The following FBLN1 variants were observed in gnomAD, a reference collection of about 807,000 sequenced individuals.
FBLN1 encodes fibulin-1.
A neutral mutation model predicts 89.7 loss-of-function variants in FBLN1; 34 were observed. That is an observed-to-expected ratio of 0.38 (90% confidence interval 0.29 to 0.50). The LOEUF is 0.50. FBLN1 is among the 20% of genes least tolerant of loss of function. The pLI is 0.92. For synonymous variants in FBLN1, 393 were observed against 391.3 expected, an observed-to-expected ratio of 1.00 and a Z score of -0.05; for missense variants, 777 against 988.1, an observed-to-expected ratio of 0.79 and a Z score of 2.86.
At chr22:45,570,776 A>C (rs1193558778) in intron 14 of FBLN1, among the ~76,000 whole-genome samples, 1 of 152,208 alleles carries the variant, frequency 6.6e-6, no homozygotes, top group Non-Finnish European at 1.5e-5. Flanking sequence ...GAGAATATCA[A>C]CAAGAACAAC....
rs1264874259 is a variant in FBLN1 at position 45,556,778 on chromosome 22, G to A, written c.1697+6163G>A. The stretch of plus-strand genomic sequence containing the variant: ...TAATTTCCAGTTTAATGGAATCCTT[G>A]TTCTGTCTCCTGGTGGCGGCGTTCC... On this transcript the variant is annotated intron_variant, in intron 14 of 16. Transcript: ENST00000327858. The surrounding 1 kb of genome is among the most constrained non-coding windows in gnomAD (Gnocchi z 4.6). Among the ~76,000 whole-genome samples, 2 of 152,146 alleles carry A rather than the reference G, an allele frequency of 1.3e-5. No homozygotes were observed. The highest frequency in any genetic ancestry group is 1.9e-4 in the East Asian group (1 of 5,194).
At position 45,576,216 on chromosome 22, in the gene FBLN1, G is replaced by A. The variant is rs933515193; in HGVS notation, c.1841-761G>A. 6.6e-6 allele frequency among the ~76,000 whole-genome samples: 1 copy of A among 152,170 alleles called. No individual in the cohort carries two copies. The highest frequency in any genetic ancestry group is 6.5e-5 in the Admixed American group (1 of 15,276). ...GTATTTGCCTTTTGCAAAATGATGG[G>A]GTTTCACCAAACCACATACAAATCC... On this transcript the variant is annotated intron_variant, in intron 15 of 16. Transcript: ENST00000327858. The surrounding 1 kb of genome is among the most constrained non-coding windows in gnomAD (Gnocchi z 5.2).
intron 11 of FBLN1, 142 bp downstream of exon 11, chr22:45,543,668 A>G (rs934244861): frequency 1.7e-6 from 2 of 1,189,068 alleles, no homozygotes; most frequent in Non-Finnish European, 2.4e-6. Context: ...CCTGTAAAAT[A>G]TTGTTCATCA....
intron 11 of FBLN1, among the ~76,000 whole-genome samples, chr22:45,546,360 G>A (rs1254357066): frequency 6.6e-6 from 1 of 152,182 alleles, no homozygotes; most frequent in Non-Finnish European, 1.5e-5. Flanking sequence ...GTGACTACAG[G>A]TGCGTGCCAC....
intron 1 of FBLN1, among the ~76,000 whole-genome samples, chr22:45,512,707 C>T (rs1284964508): frequency 3.3e-5 from 5 of 152,198 alleles, no homozygotes; most frequent in Non-Finnish European, 7.3e-5. Flanking sequence ...CCCATCGCCC[C>T]ACCCTCACAG....
At chr22:45,565,464 G>A in intron 14 of FBLN1, 1 of 380,664 alleles carries the variant, frequency 2.6e-6, no homozygotes, top group South Asian at 2.3e-5. Flanking sequence ...CATTCTCCTT[G>A]CAGACTTGGC....
intron 2 of FBLN1, 36 bp downstream of exon 2, chr22:45,518,823 A>G: frequency 6.6e-7 from 1 of 1,520,712 alleles, no homozygotes; most frequent in Non-Finnish European, 9.0e-7. Flanking sequence ...CACTGGAACA[A>G]TGTTCCTTTA....
Position 45,574,751 on chromosome 22 carries a change from G to T in FBLN1, c.1840+98G>T, listed in dbSNP as rs1019157495. 68 of 947,576 alleles carry T rather than the reference G, an allele frequency of 7.2e-5. No individual in the cohort carries two copies. Among genetic ancestry groups the T allele is most frequent in the Non-Finnish European group, 9.9e-5 (62 of 627,428 alleles). 58.7% of individuals were successfully genotyped at this position (947,576 alleles called of 1,614,324 possible). A position where few individuals can be genotyped will look rare whatever the true frequency, so the allele number is the denominator to read the frequency against. ...CAGGAGTTGTTCCTTGTAAGATGTG[G>T]CCCAGGCTTTGAAATGCAGAACTTT... On this transcript the variant is annotated intron_variant, in intron 15 of 16. Coordinates refer to ENST00000327858, the MANE Select transcript of FBLN1 (RefSeq NM_006486.3). This position sits in a 1 kb window ranked among gnomAD's most constrained non-coding sequence, Gnocchi z 4.1.
At chr22:45,555,960 A>G (rs2088782964) in intron 14 of FBLN1, among the ~76,000 whole-genome samples, 1 of 152,228 alleles carries the variant, frequency 6.6e-6, no homozygotes, top group Admixed American at 6.5e-5. Context: ...TTTTGTTAGT[A>G]CAAGTGTATA....
chr22:45,545,232 A>C lies in FBLN1; in HGVS notation c.1321+1706A>C. 1.3e-5 allele frequency among the ~76,000 whole-genome samples: 2 copies of C among 152,202 alleles called. No homozygotes were observed. Among genetic ancestry groups the C allele is most frequent in the East Asian group, 3.9e-4 (2 of 5,190 alleles). ...AGTTGAGTCTCTCAGGCTTGTGTTC[A>C]AACCTGACTTCTGCCATTTCCATGG... is the stretch of plus-strand genomic sequence containing the variant. On this transcript the variant is annotated intron_variant, in intron 11 of 16. Coordinates refer to ENST00000327858, the MANE Select transcript of FBLN1 (RefSeq NM_006486.3). This position sits in a 1 kb window ranked among gnomAD's most constrained non-coding sequence, Gnocchi z 5.9.
chr22:45,510,533 TGCTCA>T (rs2088085448), intron 1 of FBLN1, among the ~76,000 whole-genome samples: 1 of 152,072 alleles, frequency 6.6e-6, no homozygotes, highest in Non-Finnish European at 1.5e-5. Flanking sequence ...ACAGTCTGCT[TGCTCA>T]GCAACCTGGG....
intron 16 of FBLN1, among the ~76,000 whole-genome samples, chr22:45,586,709 C>T (rs1053006787): frequency 6.6e-6 from 1 of 152,192 alleles, no homozygotes; most frequent in Admixed American, 6.5e-5. Flanking sequence ...GGGACGCACA[C>T]TGAGCAGGTG....
chr22:45,547,239 C>T, intron 12 of FBLN1, 35 bp downstream of exon 12: 1 of 1,611,234 alleles, frequency 6.2e-7, no homozygotes, highest in Non-Finnish European at 8.5e-7. Context: ...GGGGAAAGCA[C>T]CCCCTGGTCT....
rs1321465976 is a variant in FBLN1, at chr22:45,572,948, C to T, written c.1698-1563C>T. Among the ~76,000 whole-genome samples, 4 of 152,346 alleles carry T rather than the reference C, an allele frequency of 2.6e-5. No individual in the cohort carries two copies. The highest frequency in any genetic ancestry group is 2.1e-4 in the South Asian group (1 of 4,826). ...AAGTTGTATGGAAAATAAAGGAGGC[C>T]GGGCACGTTGGCTCACGCCTGTAAT... On this transcript the variant is annotated intron_variant, in intron 14 of 16. Coordinates refer to ENST00000327858, the MANE Select transcript of FBLN1 (RefSeq NM_006486.3). The surrounding 1 kb of genome is among the most constrained non-coding windows in gnomAD (Gnocchi z 5.8).
chr22:45,537,556 G>T lies in FBLN1; in HGVS notation c.922+2219G>T, dbSNP rs908927776. Among the ~76,000 whole-genome samples the T allele has an allele frequency of 4.6e-5, 7 of 151,934 alleles. No individual in the cohort carries two copies. The highest frequency in any genetic ancestry group is 1.7e-4 in the African/African-American group (7 of 41,318). On this transcript the variant is annotated intron_variant, in intron 8 of 16. Transcript: ENST00000327858. This position sits in a 1 kb window ranked among gnomAD's most constrained non-coding sequence, Gnocchi z 5.7. ...AATCGCTTGAACCCAGGAGGTGGAG[G>T]TTGTAGTGAGCCAAGATCGTGCCAC...
intron 1 of FBLN1, among the ~76,000 whole-genome samples, chr22:45,506,138 C>T (rs755327546): frequency 6.6e-6 from 1 of 152,220 alleles, no homozygotes; most frequent in Non-Finnish European, 1.5e-5. Flanking sequence ...GCACCAGGAG[C>T]CTTCGCAGCC....
chr22:45,588,633 G>A lies in FBLN1; in HGVS notation c.1972+11525G>A, dbSNP rs141962987. On this transcript the variant is annotated intron_variant, in intron 16 of 16. Transcript: ENST00000327858. This position sits in a 1 kb window ranked among gnomAD's most constrained non-coding sequence, Gnocchi z 5.1. Reference sequence around the variant, plus strand: ...CAGAGTCACCAAGGGGTTAAAAGGGGCTGGGAACAGCCTCTTAGTCTCCAG... The same window carrying A: ...CAGAGTCACCAAGGGGTTAAAAGGGACTGGGAACAGCCTCTTAGTCTCCAG... 5.7e-3 allele frequency among the ~76,000 whole-genome samples: 851 copies of A among 149,474 alleles called. 1 individual carries two copies. Among genetic ancestry groups the A allele is most frequent in the Non-Finnish European group, 9.4e-3 (634 of 67,098 alleles).
intron 16 of FBLN1, among the ~76,000 whole-genome samples, chr22:45,595,498 CT>C (rs2089176287): frequency 6.6e-6 from 1 of 152,168 alleles, no homozygotes; most frequent in Non-Finnish European, 1.5e-5. Flanking sequence ...TCACAGCACC[CT>C]TTTCCCTAGT....
intron 7 of FBLN1, 105 bp from the exon 8 acceptor site, chr22:45,535,095 C>CT: frequency 7.7e-7 from 1 of 1,305,870 alleles, no homozygotes; most frequent in South Asian, 1.2e-5. Context: ...GGGTTATAGT[C>CT]TGAGTAATGC....
Sources: allele counts gnomAD v4.1 joint callset (sites outside exome capture counted in the v4.1 genomes callset), GRCh38; gene constraint gnomAD v4.1.1; non-coding constraint Gnocchi (gnomAD v3.1); transcripts MANE v1.5; gene names NCBI Gene and HGNC (gene_info 2026-07-23, HGNC 2026-07-21).